Variants in CSGALNACT1 observed in about 807,000 individuals in gnomAD.
CSGALNACT1 encodes chondroitin sulfate N-acetylgalactosaminyltransferase 1, also known as beta4GalNAcT-1.
CSGALNACT1 carries 52 observed loss-of-function variants against 51.0 expected under a neutral mutation model. The ratio of observed to expected loss-of-function variants is 1.02; its 90% CI spans 0.82 to 1.29. CSGALNACT1 has a LOEUF of 1.29. Among genes scored for constraint, CSGALNACT1 ranks in the 50% most tolerant of loss-of-function variants. The pLI is 0.00. For synonymous variants in CSGALNACT1, 341 were observed against 254.4 expected (o/e 1.34, Z -3.24); for missense variants, 935 against 679.2 (o/e 1.38, Z -4.19).
At chr8:19,702,739 T>TGGACACATGGACCAGG (rs1564448066) in intron 1 of CSGALNACT1, among the ~76,000 whole-genome samples, 1 of 152,066 alleles carries the variant, frequency 6.6e-6, no homozygotes, top group East Asian at 1.9e-4. Flanking sequence ...CATGTGTCTA[T>TGGACACATGGACCAGG]ACCAGACCTC....
At chr8:19,489,941 T>C (rs998239619) in intron 4 of CSGALNACT1, among the ~76,000 whole-genome samples, 1 of 152,182 alleles carries the variant, frequency 6.6e-6, no homozygotes, top group African/African-American at 2.4e-5. Context: ...TTCTACACCT[T>C]GAATGGTACC....
At chr8:19,586,469 A>G (rs2046679571) in intron 3 of CSGALNACT1, among the ~76,000 whole-genome samples, 1 of 152,066 alleles carries the variant, frequency 6.6e-6, no homozygotes, top group South Asian at 2.1e-4. Context: ...GTGATTCTCA[A>G]CCTCTAAAAC....
chr8:19,613,002 G>A (rs75638807), intron 1 of CSGALNACT1, among the ~76,000 whole-genome samples: 3,116 of 127,970 alleles, frequency 0.024, 133 homozygotes, highest in African/African-American at 0.089. Context: ...AGGGAACTTG[G>A]TATCTTTAAG....
At chr8:19,418,958 T>C (rs1351112154) in intron 7 of CSGALNACT1, among the ~76,000 whole-genome samples, 4 of 152,162 alleles carry the variant, frequency 2.6e-5, no homozygotes, top group Non-Finnish European at 4.4e-5. Flanking sequence ...GTGATTCTAC[T>C]GCCTCAGCCT....
intron 1 of CSGALNACT1, among the ~76,000 whole-genome samples, chr8:19,735,891 T>C (rs2063940644): frequency 6.6e-6 from 1 of 152,180 alleles, no homozygotes; most frequent in Non-Finnish European, 1.5e-5. Context: ...ATATATAGCA[T>C]AGAAAAAATA....
At chr8:19,475,615 C>T in intron 4 of CSGALNACT1, among the ~76,000 whole-genome samples, 1 of 152,122 alleles carries the variant, frequency 6.6e-6, no homozygotes. Flanking sequence ...GATAATGACA[C>T]ACAACGAGTA....
intron 1 of CSGALNACT1, among the ~76,000 whole-genome samples, chr8:19,726,831 C>G (rs1188907426): frequency 6.6e-6 from 1 of 152,284 alleles, no homozygotes; most frequent in South Asian, 2.1e-4. Context: ...CGGATTCTGA[C>G]TAACTTCAAC....
intron 3 of CSGALNACT1, among the ~76,000 whole-genome samples, chr8:19,579,222 A>G (rs944195109): frequency 2.0e-5 from 3 of 152,214 alleles, no homozygotes; most frequent in Admixed American, 2.0e-4. Context: ...ATCTGGCCCC[A>G]GCTCCAAATT....
At chr8:19,450,471 G>A (rs1202729401) in intron 5 of CSGALNACT1, among the ~76,000 whole-genome samples, 2 of 152,122 alleles carry the variant, frequency 1.3e-5, no homozygotes, top group Admixed American at 1.3e-4. Flanking sequence ...AGAGACCCAA[G>A]GGAGGCGGGT....
chr8:19,609,762 T>C (rs769352585), intron 1 of CSGALNACT1, among the ~76,000 whole-genome samples: 3 of 152,158 alleles, frequency 2.0e-5, no homozygotes, highest in Non-Finnish European at 4.4e-5. Flanking sequence ...ATTTTGGTAA[T>C]AGTTTCATAT....
At chr8:19,552,646 T>C (rs917807850) in intron 3 of CSGALNACT1, among the ~76,000 whole-genome samples, 8 of 152,198 alleles carry the variant, frequency 5.3e-5, no homozygotes, top group African/African-American at 1.9e-4. Flanking sequence ...CATGACGACA[T>C]TCAAAATGTG....
At chr8:19,554,331 T>C (rs28586977) in intron 3 of CSGALNACT1, among the ~76,000 whole-genome samples, 47,307 of 151,928 alleles carry the variant, frequency 0.31, 7,794 homozygotes, top group African/African-American at 0.44. Flanking sequence ...CAAATCGGTG[T>C]TATCATTTTT....
intron 4 of CSGALNACT1, among the ~76,000 whole-genome samples, chr8:19,494,815 T>A (rs962172929): frequency 2.1e-5 from 3 of 144,236 alleles, no homozygotes; most frequent in African/African-American, 7.8e-5. Flanking sequence ...AGAAACCAGA[T>A]GGAACACTCC....
intron 1 of CSGALNACT1, among the ~76,000 whole-genome samples, chr8:19,631,096 G>C (rs1369406904): frequency 1.3e-5 from 2 of 152,164 alleles, no homozygotes; most frequent in Non-Finnish European, 2.9e-5. Flanking sequence ...GTCTATCCAT[G>C]CATCTCCTGA....
chr8:19,640,544 GACTCAA>G (rs1290957365), intron 1 of CSGALNACT1, among the ~76,000 whole-genome samples: 1 of 152,134 alleles, frequency 6.6e-6, no homozygotes, highest in East Asian at 1.9e-4. Context: ...AATGTACTTG[GACTCAA>G]ACTCAAAATC....
At chr8:19,738,537 G>T (rs561644493) in intron 1 of CSGALNACT1, among the ~76,000 whole-genome samples, 1 of 152,244 alleles carries the variant, frequency 6.6e-6, no homozygotes, top group East Asian at 1.9e-4. Context: ...CATGAAAAAA[G>T]TTCAGGAGAT....
intron 3 of CSGALNACT1, among the ~76,000 whole-genome samples, chr8:19,548,238 A>C (rs7014090): frequency 0.031 from 4,678 of 152,286 alleles, 250 homozygotes; most frequent in African/African-American, 0.11. Flanking sequence ...TGATTCTGGC[A>C]CTTTTTTCTA....
At chr8:19,466,512 T>G (rs2066716914) in intron 4 of CSGALNACT1, among the ~76,000 whole-genome samples, 1 of 152,216 alleles carries the variant, frequency 6.6e-6, no homozygotes, top group Non-Finnish European at 1.5e-5. Flanking sequence ...ATAGTATTTT[T>G]TATTTTTTAT....
chr8:19,559,516 T>C (rs1019092963), intron 3 of CSGALNACT1, among the ~76,000 whole-genome samples: 1 of 152,138 alleles, frequency 6.6e-6, no homozygotes, highest in African/African-American at 2.4e-5. Flanking sequence ...GTACAAGGAT[T>C]GGAAAGGAAG....
Sources: allele counts gnomAD v4.1 joint callset (sites outside exome capture counted in the v4.1 genomes callset), GRCh38; gene constraint gnomAD v4.1.1; transcripts MANE v1.5; gene names NCBI Gene and HGNC (gene_info 2026-07-23, HGNC 2026-07-21).